NRXN1: variants seen among roughly 807,000 people sequenced by gnomAD.
NRXN1 encodes neurexin 1.
A neutral mutation model predicts 150.9 loss-of-function variants in NRXN1; 39 were observed. That is an observed-to-expected ratio of 0.26 (90% CI 0.20 to 0.34). The LOEUF is 0.34. Ranked by LOEUF, NRXN1 falls within the 10% of genes least tolerant of loss-of-function variation. NRXN1 has a pLI of 1.00. For missense variants in NRXN1, 1,815 were observed against 1,949.9 expected (o/e 0.93, Z 1.30); for synonymous variants, 924 against 757.0 (o/e 1.22, Z -3.62).
At chr2:49,973,362 A>G (rs375159955) in intron 21 of NRXN1, among the ~76,000 whole-genome samples, 1 of 152,308 alleles carries the variant, frequency 6.6e-6, no homozygotes, top group South Asian at 2.1e-4. Flanking sequence ...TATTTACATT[A>G]ATCAGGTTTA....
At chr2:49,933,370 G>GC (rs1670476597) in intron 22 of NRXN1, among the ~76,000 whole-genome samples, 1 of 152,130 alleles carries the variant, frequency 6.6e-6, no homozygotes, top group Non-Finnish European at 1.5e-5. Context: ...ACAGGTGTGA[G>GC]CCACTGCACC....
chr2:50,352,317 A>T (rs2078470042), intron 17 of NRXN1, among the ~76,000 whole-genome samples: 1 of 152,144 alleles, frequency 6.6e-6, no homozygotes, highest in Non-Finnish European at 1.5e-5. Flanking sequence ...TATTACAAAA[A>T]TCAACCTTTT....
At position 50,954,548 on chromosome 2, in the gene NRXN1, T is replaced by G. The variant is rs146849036; in HGVS notation, c.773-28593A>C. ...GAAGGGAGTAAGCAATCAAGAAAGT[T>G]CCAGCAGAGCTGGGAAAGAAACCTG... On this transcript the variant is annotated intron_variant, in intron 2 of 22. Transcript: ENST00000401669. Among the ~76,000 whole-genome samples, 378 of 152,290 alleles carry G rather than the reference T, an allele frequency of 2.5e-3. 2 individuals carry two copies. The highest frequency in any genetic ancestry group is 0.014 in the Middle Eastern group (4 of 294).
chr2:50,497,692 A>C lies in NRXN1; in HGVS notation c.2520T>G (p.Thr840=). 1 of 1,611,292 alleles carries C rather than the reference A, an allele frequency of 6.2e-7. No individual in the cohort carries two copies. Among genetic ancestry groups the C allele is most frequent in the Middle Eastern group, 1.7e-4 (1 of 6,048 alleles). The change falls in exon 14 of 23, where the codon ACT becomes ACG. Residue 840 remains threonine (T), a synonymous_variant. Transcript: ENST00000401669. ...AMTGQMAGDH[T]RLEFHNIETG... is the part of the protein sequence containing the mutation. The stretch of plus-strand genomic sequence containing the variant: ...TCTCTATGTTATGGAACTCCAGCCT[A>C]GTATGATCACCTGCCATTTGACCTA...
At chr2:50,192,658 G>A (rs1198820890) in intron 18 of NRXN1, among the ~76,000 whole-genome samples, 1 of 152,132 alleles carries the variant, frequency 6.6e-6, no homozygotes, top group Non-Finnish European at 1.5e-5. Context: ...CCAGGCTAGA[G>A]TGTAGTGGTG....
chr2:51,016,518 G>C (rs1029020552), intron 2 of NRXN1, among the ~76,000 whole-genome samples: 5 of 152,106 alleles, frequency 3.3e-5, no homozygotes, highest in African/African-American at 1.2e-4. Flanking sequence ...CATCATCACT[G>C]GTCATTAGAG....
intron 17 of NRXN1, among the ~76,000 whole-genome samples, chr2:50,430,617 C>T (rs2084890949): frequency 6.6e-6 from 1 of 152,194 alleles, no homozygotes; most frequent in Non-Finnish European, 1.5e-5. Context: ...CCCCAAATTT[C>T]TAGGTGACTG....
chr2:50,318,458 T>C (rs2075779697), intron 17 of NRXN1, among the ~76,000 whole-genome samples: 1 of 152,084 alleles, frequency 6.6e-6, no homozygotes, highest in African/African-American at 2.4e-5. Flanking sequence ...AGAGAAATTC[T>C]TGTGCATGAT....
intron 12 of NRXN1, among the ~76,000 whole-genome samples, chr2:50,521,458 G>A (rs565879186): frequency 6.6e-6 from 1 of 152,226 alleles, no homozygotes; most frequent in Admixed American, 6.5e-5. Flanking sequence ...TAGCCTTTTA[G>A]TATTTCTTAT....
At chr2:50,306,430 T>C (rs1397710497) in intron 17 of NRXN1, among the ~76,000 whole-genome samples, 3 of 152,240 alleles carry the variant, frequency 2.0e-5, no homozygotes, top group Non-Finnish European at 4.4e-5. Flanking sequence ...CTTTTGTCTT[T>C]AACTTAGCAA....
intron 15 of NRXN1, among the ~76,000 whole-genome samples, 171 bp downstream of exon 15, chr2:50,495,734 C>A (rs542007209): frequency 2.0e-5 from 3 of 152,018 alleles, no homozygotes; most frequent in East Asian, 1.9e-4. Flanking sequence ...AGGTTCCTAC[C>A]ACATTAAAGG....
At chr2:50,454,016 C>T (rs972284492) in intron 17 of NRXN1, among the ~76,000 whole-genome samples, 1 of 152,088 alleles carries the variant, frequency 6.6e-6, no homozygotes, top group African/African-American at 2.4e-5. Flanking sequence ...AATATCCTAG[C>T]AGTTGTCAAA....
At chr2:50,829,876 G>A (rs1671144247) in intron 5 of NRXN1, among the ~76,000 whole-genome samples, 1 of 151,672 alleles carries the variant, frequency 6.6e-6, no homozygotes, top group Non-Finnish European at 1.5e-5. Context: ...GAGTTTGAAT[G>A]AATCCAATTA....
At chr2:50,597,232 G>A (rs1675392120) in intron 8 of NRXN1, among the ~76,000 whole-genome samples, 1 of 152,134 alleles carries the variant, frequency 6.6e-6, no homozygotes, top group Non-Finnish European at 1.5e-5. Flanking sequence ...TTGGGTCTCT[G>A]TTATAGCTAG....
chr2:50,201,632 GT>G (rs1439752776), intron 18 of NRXN1, among the ~76,000 whole-genome samples: 3 of 152,138 alleles, frequency 2.0e-5, no homozygotes, highest in African/African-American at 7.2e-5. Context: ...AGGTGTACTG[GT>G]TATCTGTTGC....
chr2:50,422,348 T>C (rs1299014918), intron 17 of NRXN1, among the ~76,000 whole-genome samples: 1 of 152,064 alleles, frequency 6.6e-6, no homozygotes, highest in Non-Finnish European at 1.5e-5. Context: ...AACATTTTAA[T>C]AAGGACAATG....
At chr2:50,946,537 A>C (rs917693580) in intron 2 of NRXN1, among the ~76,000 whole-genome samples, 1 of 152,144 alleles carries the variant, frequency 6.6e-6, no homozygotes, top group Non-Finnish European at 1.5e-5. Context: ...TGGGTGTGAG[A>C]AAACTGCCCT....
chr2:50,655,209 C>CTATTT (rs928330210), intron 5 of NRXN1, among the ~76,000 whole-genome samples: 24 of 151,890 alleles, frequency 1.6e-4, no homozygotes, highest in Admixed American at 1.2e-3. Context: ...AGATACAGCT[C>CTATTT]TATTTCCCTT....
At chr2:50,918,679 G>T (rs1685565525) in intron 5 of NRXN1, 1 of 351,280 alleles carries the variant, frequency 2.8e-6, no homozygotes, top group South Asian at 1.4e-4. Flanking sequence ...TTATTGGAAT[G>T]AAGTGACCAG....
Sources: gnomAD v4.1 joint callset for allele counts (sites outside exome capture counted in the v4.1 genomes callset) on GRCh38, gnomAD v4.1.1 for gene constraint, MANE v1.5 for transcripts, NCBI Gene and HGNC (gene_info 2026-07-23, HGNC 2026-07-21) for gene names.